MYH9: variants seen among roughly 807,000 people sequenced by gnomAD.
MYH9 encodes myosin heavy chain 9.
In MYH9, 29 loss-of-function variants were observed where a neutral mutation model predicts 241.9. That is an observed-to-expected ratio of 0.12 (90% CI 0.09 to 0.16). MYH9 has a LOEUF of 0.16. MYH9 is among the 10% of genes least tolerant of loss of function. The pLI, the probability that MYH9 is intolerant of heterozygous loss-of-function variation, is 1.00. For missense variants in MYH9, 1,803 were observed against 2,595.5 expected (o/e 0.69, Z 6.63); for synonymous variants, 1,047 against 1,062.6 (o/e 0.99, Z 0.29).
rs371017134 is a variant in MYH9 at position 36,320,341 on chromosome 22, G to A, written c.891C>T (p.Tyr297=). The A allele has an allele frequency of 3.7e-6, 6 of 1,613,938 alleles. No individual in the cohort carries two copies. The highest frequency in any genetic ancestry group is 3.3e-5 in the Admixed American group (2 of 60,012). The change falls in exon 9 of 41, where the codon TAC becomes TAT. Residue 297 remains tyrosine, a synonymous_variant. Transcript: ENST00000216181. This position sits in a 1 kb window ranked among gnomAD's most constrained non-coding sequence, Gnocchi z 4.8. ...HLKTDLLLEP[Y]NKYRFLSNGH... is the part of the protein sequence containing the mutation. ...CATTGGACAGGAAGCGGTATTTGTT[G>A]TACGGCTCCAACAGGAGATCGGCTG...
chr22:36,286,137 T>G (rs2016576472), intron 35 of MYH9, 184 bp from the exon 36 acceptor site: 1 of 647,798 alleles, frequency 1.5e-6, no homozygotes, highest in Non-Finnish European at 2.7e-6. Flanking sequence ...AAACACCATA[T>G]GTTTATAAAA....
chr22:36,330,848 C>T lies in MYH9; in HGVS notation c.491-3360G>A, dbSNP rs746487051. Among the ~76,000 whole-genome samples, 11 of 152,078 alleles carry T rather than the reference C, an allele frequency of 7.2e-5. No homozygotes were observed. Among genetic ancestry groups the T allele is most frequent in the Non-Finnish European group, 1.5e-4 (10 of 68,018 alleles). ...CGCCAGGGACAAGCCTCTTCTGGGA[C>T]ACGAGCCCCCTGCCAGATGAAAGTC... On this transcript the variant is annotated intron_variant, in intron 3 of 40. Coordinates refer to ENST00000216181, the MANE Select transcript of MYH9 (RefSeq NM_002473.6). This position sits in a 1 kb window ranked among gnomAD's most constrained non-coding sequence, Gnocchi z 4.5.
In MYH9 at chr22:36,300,863, C is replaced by G. The variant is rs538431419; in HGVS notation, c.2826G>C (p.Gln942His). 2 of 1,601,572 alleles carry G rather than the reference C, an allele frequency of 1.2e-6. No individual in the cohort carries two copies. The highest frequency in any genetic ancestry group is 1.7e-6 in the Non-Finnish European group (2 of 1,179,980). ...QHLQAEKKKM[Q>H]QNIQELEEQL... Reference sequence around the variant, plus strand: ...AGCGGGCAGGAACCTGGATGTTCTGCTGCATCTTCTTCTTCTCCGCCTGCA... The same window carrying G: ...AGCGGGCAGGAACCTGGATGTTCTGGTGCATCTTCTTCTTCTCCGCCTGCA... Residue 942 changes from glutamine (Q) to histidine (H), a missense_variant, in exon 22 of 41, where the codon CAG becomes CAC. Physicochemically the swap from Gln to His is conservative, Grantham distance 24. Transcript: ENST00000216181. This position sits in a 1 kb window ranked among gnomAD's most constrained non-coding sequence, Gnocchi z 5.0.
At chr22:36,290,338 C>CAAAA (rs530199922) in intron 31 of MYH9, among the ~76,000 whole-genome samples, 6 of 53,704 alleles carry the variant, frequency 1.1e-4, no homozygotes, top group African/African-American at 3.4e-4. Flanking sequence ...AGACAGTCTC[C>CAAAA]AAAAAAAAAA....
chr22:36,336,949 C>A (rs970746617), intron 3 of MYH9, among the ~76,000 whole-genome samples: 1 of 152,222 alleles, frequency 6.6e-6, no homozygotes, highest in African/African-American at 2.4e-5. Flanking sequence ...CACCTACCTC[C>A]ACGGCCTAAT....
Position 36,320,115 on chromosome 22 carries a change from C to T in MYH9, c.1012+105G>A. 6.5e-7 allele frequency: 1 copy of T among 1,527,658 alleles called. No individual in the cohort carries two copies. The highest frequency in any genetic ancestry group is 1.4e-5 in the African/African-American group (1 of 73,126). The allele number at this position is 1,527,658 out of a possible 1,614,324, so 94.6% of individuals were successfully genotyped here. ...ACTGAAGGCCTTCCCCTTCCCCTGG[C>T]CTCTAGCAGGCTCCCCAGGCCCATC... On this transcript the variant is annotated intron_variant, in intron 9 of 40. Coordinates refer to ENST00000216181, the MANE Select transcript of MYH9 (RefSeq NM_002473.6). The surrounding 1 kb of genome is among the most constrained non-coding windows in gnomAD (Gnocchi z 4.8).
chr22:36,344,990 G>A (rs933324776), intron 2 of MYH9, among the ~76,000 whole-genome samples: 2 of 152,174 alleles, frequency 1.3e-5, no homozygotes, highest in Non-Finnish European at 2.9e-5. Context: ...GCCTTGCCCC[G>A]AGCCAGGTGC....
chr22:36,346,151 CAAA>C (rs56232061), intron 2 of MYH9, among the ~76,000 whole-genome samples: 15 of 121,244 alleles, frequency 1.2e-4, no homozygotes, highest in African/African-American at 9.1e-5. Context: ...GACTCCGTCT[CAAA>C]AAAAAAAAAA....
At chr22:36,350,006 TAAGAC>T (rs2017740524) in intron 1 of MYH9, among the ~76,000 whole-genome samples, 1 of 152,188 alleles carries the variant, frequency 6.6e-6, no homozygotes, top group South Asian at 2.1e-4. Context: ...TGAAGTCAAC[TAAGAC>T]AAGAGAAGAA....
chr22:36,304,564 G>C, intron 18 of MYH9, among the ~76,000 whole-genome samples: 1 of 152,234 alleles, frequency 6.6e-6, no homozygotes, highest in East Asian at 1.9e-4. Flanking sequence ...AGTCACCGCA[G>C]GGCTTTCAAT....
At chr22:36,360,712 CAAAAAAA>C (rs551858499) in intron 1 of MYH9, among the ~76,000 whole-genome samples, 1 of 109,846 alleles carries the variant, frequency 9.1e-6, no homozygotes, top group African/African-American at 3.5e-5. Context: ...GACTCCATCT[CAAAAAAA>C]AAAAAAAGAA....
At chr22:36,343,191 TGA>T (rs1406927248) in intron 2 of MYH9, among the ~76,000 whole-genome samples, 3 of 151,942 alleles carry the variant, frequency 2.0e-5, no homozygotes, top group Non-Finnish European at 4.4e-5. Flanking sequence ...AAGCAGCAAT[TGA>T]CTAAAGGCAG....
At chr22:36,360,439 C>A (rs1376404568) in intron 1 of MYH9, among the ~76,000 whole-genome samples, 4 of 152,004 alleles carry the variant, frequency 2.6e-5, no homozygotes, top group Middle Eastern at 3.2e-3. Context: ...TTAGGCCGGG[C>A]ACAGTGGCTC....
At position 36,289,207 on chromosome 22, in the gene MYH9, G is replaced by A. The variant is rs752318435; in HGVS notation, c.4435C>T (p.Leu1479=). The part of the protein sequence containing the change: ...AEAREKETKA[L]SLARALEEAM... Reference sequence around the variant, plus strand: ...TCCTCCAGGGCCCGGGCCAGCGACAGAGCCTTGGTCTCCTTCTCTCGGGCC... The same window carrying A: ...TCCTCCAGGGCCCGGGCCAGCGACAAAGCCTTGGTCTCCTTCTCTCGGGCC... Residue 1479 remains leucine (L), a synonymous_variant, in exon 32 of 41, where the codon CTG becomes TTG. Coordinates refer to ENST00000216181, the MANE Select transcript of MYH9 (RefSeq NM_002473.6). 31 of 1,613,276 alleles carry A rather than the reference G, an allele frequency of 1.9e-5. No individual in the cohort carries two copies. Among genetic ancestry groups the A allele is most frequent in the East Asian group, 6.7e-5 (3 of 44,892 alleles).
intron 1 of MYH9, among the ~76,000 whole-genome samples, chr22:36,382,327 T>A (rs1170850923): frequency 6.7e-6 from 1 of 149,660 alleles, no homozygotes; most frequent in African/African-American, 2.5e-5. Context: ...ATGCAAAAAT[T>A]AGCTGGGCGT....
intron 1 of MYH9, among the ~76,000 whole-genome samples, chr22:36,367,493 G>A (rs868621485): frequency 2.7e-4 from 41 of 152,166 alleles, no homozygotes; most frequent in Admixed American, 2.0e-3. Flanking sequence ...TGCATTCCCC[G>A]GGGGAAATGA....
intron 24 of MYH9, 166 bp from the exon 25 acceptor site, chr22:36,297,180 T>A (rs780541477): frequency 2.7e-6 from 2 of 752,800 alleles, no homozygotes; most frequent in Non-Finnish European, 4.4e-6. Flanking sequence ...GAAGAGGACA[T>A]CACTGCAAAC....
chr22:36,354,283 CGGTCACACAAGCTGGG>C (rs996730765), intron 1 of MYH9, among the ~76,000 whole-genome samples: 5 of 151,976 alleles, frequency 3.3e-5, no homozygotes, highest in African/African-American at 1.2e-4. Context: ...TAACTCTACT[CGGTCACACAAGCTGGG>C]GAATGAGGAC....
intron 34 of MYH9, among the ~76,000 whole-genome samples, chr22:36,287,716 T>C (rs896365782): frequency 1.3e-5 from 2 of 152,270 alleles, no homozygotes; most frequent in Non-Finnish European, 2.9e-5. Flanking sequence ...CACTCCAGCC[T>C]GAGCGACAGA....
Sources: gnomAD v4.1 joint callset for allele counts (sites outside exome capture counted in the v4.1 genomes callset) on GRCh38, gnomAD v4.1.1 for gene constraint, Gnocchi (gnomAD v3.1) non-coding constraint, MANE v1.5 for transcripts, NCBI Gene and HGNC (gene_info 2026-07-23, HGNC 2026-07-21) for gene names.